The following TIMM22 variants were observed in gnomAD, a reference collection of about 807,000 sequenced individuals.
The protein encoded by TIMM22 is mitochondrial import inner membrane translocase subunit Tim22.
Under a neutral mutation model 18.3 loss-of-function variants are expected in TIMM22, and 12 were observed. The observed-to-expected ratio is 0.65, with a 90% CI of 0.42 to 1.06. The LOEUF (loss-of-function observed/expected upper bound fraction) is 1.06. TIMM22 is among the 50% of genes least tolerant of loss of function. TIMM22 has a pLI of 0.00. For missense variants in TIMM22, 278 were observed against 252.8 expected (o/e 1.10, Z -0.68); for synonymous variants, 107 against 98.5 (o/e 1.09, Z -0.51).
In TIMM22 at chr17:997,411, C is replaced by T. The variant is rs748461860; in HGVS notation, c.238+31C>T. On this transcript the variant is annotated intron_variant, in intron 1 of 3. Coordinates refer to ENST00000327158, the MANE Select transcript of TIMM22 (RefSeq NM_013337.4). Reference sequence around the variant, plus strand: ...GCCGGGCGATGGGACCCTTGGGAGGCTGAGGGCCTGGACGGCAGTGGGGAT... The same window carrying T: ...GCCGGGCGATGGGACCCTTGGGAGGTTGAGGGCCTGGACGGCAGTGGGGAT... The T allele has an allele frequency of 1.1e-5, 18 of 1,599,992 alleles. No homozygotes were observed. The South Asian group carries it at 2.0e-4, about 18-fold the overall frequency.
Position 1,001,147 on chromosome 17 carries a change from G to A in TIMM22, c.*59G>A. 1 of 1,573,362 alleles carries A rather than the reference G, an allele frequency of 6.4e-7. No individual in the cohort carries two copies. The highest frequency in any genetic ancestry group is 8.7e-7 in the Non-Finnish European group (1 of 1,145,324). Reference sequence around the variant, plus strand: ...CCCGGATCCGGGCTGCTCTCTGGAGGACAGTTTCTGTACCACACCAGGGCC... The same window carrying A: ...CCCGGATCCGGGCTGCTCTCTGGAGAACAGTTTCTGTACCACACCAGGGCC... On this transcript the variant is annotated 3_prime_UTR_variant, in exon 4 of 4. Coordinates refer to ENST00000327158, the MANE Select transcript of TIMM22 (RefSeq NM_013337.4).
chr17:997,447 A>C (rs1284545118), intron 1 of TIMM22, 67 bp downstream of exon 1: 1 of 1,488,270 alleles, frequency 6.7e-7, no homozygotes. Context: ...CTCTGCCGAG[A>C]AGACCACGCG....
chr17:1,000,216 T>C (rs2069730285), intron 3 of TIMM22, among the ~76,000 whole-genome samples: 1 of 152,140 alleles, frequency 6.6e-6, no homozygotes, highest in Non-Finnish European at 1.5e-5. Context: ...GACAATTGTC[T>C]TTTAATTTTA....
Sources: allele counts gnomAD v4.1 joint callset (sites outside exome capture counted in the v4.1 genomes callset), GRCh38; gene constraint gnomAD v4.1.1; transcripts MANE v1.5; gene names NCBI Gene and HGNC (gene_info 2026-07-23, HGNC 2026-07-21).